Variants in CEP112 observed in about 807,000 individuals in gnomAD.
CEP112 encodes the protein centrosomal protein 112.
In CEP112, 127 loss-of-function variants were observed where a neutral mutation model predicts 153.0. That is an observed-to-expected ratio of 0.83 (90% CI 0.72 to 0.96). The LOEUF is 0.96. Among genes scored for constraint, CEP112 ranks in the 40% least tolerant of loss-of-function variants. The pLI, the probability that CEP112 is intolerant of heterozygous loss-of-function variation, is 0.00. For missense variants in CEP112, 1,089 were observed against 1,101.2 expected (o/e 0.99, Z 0.16); for synonymous variants, 358 against 374.4 (o/e 0.96, Z 0.51).
chr17:65,833,539 A>G (rs976391373), intron 21 of CEP112, among the ~76,000 whole-genome samples: 4 of 152,332 alleles, frequency 2.6e-5, no homozygotes, highest in Non-Finnish European at 4.4e-5. Flanking sequence ...TAAAATCACT[A>G]GTATTCCTGT....
chr17:66,104,815 T>C (rs2068714412), intron 6 of CEP112, among the ~76,000 whole-genome samples: 1 of 152,120 alleles, frequency 6.6e-6, no homozygotes, highest in Non-Finnish European at 1.5e-5. Context: ...CCTGGAATAG[T>C]ATACCCAGCA....
At chr17:65,832,089 C>G (rs1426741365) in intron 21 of CEP112, among the ~76,000 whole-genome samples, 2 of 152,126 alleles carry the variant, frequency 1.3e-5, no homozygotes, top group Non-Finnish European at 2.9e-5. Context: ...TCCTGAATGA[C>G]TTTTGGGTAA....
At chr17:65,745,835 A>T (rs144586426) in intron 22 of CEP112, among the ~76,000 whole-genome samples, 1,543 of 152,340 alleles carry the variant, frequency 0.01, 24 homozygotes, top group African/African-American at 0.035. Flanking sequence ...AAGAATAAAG[A>T]TAAAAATATC....
chr17:65,961,019 A>C (rs1568296423), intron 18 of CEP112, among the ~76,000 whole-genome samples: 1 of 151,986 alleles, frequency 6.6e-6, no homozygotes, highest in African/African-American at 2.4e-5. Flanking sequence ...TAAAAAAAAA[A>C]AAACTACCCA....
chr17:66,080,476 C>G (rs938650039), intron 8 of CEP112, among the ~76,000 whole-genome samples: 1 of 152,142 alleles, frequency 6.6e-6, no homozygotes, highest in Non-Finnish European at 1.5e-5. Context: ...CCACCTCACA[C>G]CAGTTAGAAT....
intron 11 of CEP112, among the ~76,000 whole-genome samples, chr17:66,060,270 T>C (rs1470749444): frequency 6.6e-6 from 1 of 152,032 alleles, no homozygotes; most frequent in African/African-American, 2.4e-5. Flanking sequence ...ACATCTACCC[T>C]CTGAATCTAA....
intron 4 of CEP112, among the ~76,000 whole-genome samples, chr17:66,142,005 C>G (rs1037700288): frequency 6.6e-6 from 1 of 152,160 alleles, no homozygotes; most frequent in Admixed American, 6.5e-5. Flanking sequence ...CAACAGTGGA[C>G]AAAGATTCCC....
chr17:65,813,662 T>C (rs2056109181), intron 21 of CEP112, among the ~76,000 whole-genome samples: 1 of 152,164 alleles, frequency 6.6e-6, no homozygotes, highest in African/African-American at 2.4e-5. Context: ...AAGCATTCAG[T>C]GAGTTGGGAG....
At chr17:65,971,921 T>A (rs189907226) in intron 17 of CEP112, among the ~76,000 whole-genome samples, 1 of 152,008 alleles carries the variant, frequency 6.6e-6, no homozygotes. Flanking sequence ...AATGCAGGGG[T>A]GAATAAACAC....
intron 21 of CEP112, among the ~76,000 whole-genome samples, chr17:65,780,558 T>C (rs1441175940): frequency 3.3e-5 from 5 of 152,224 alleles, no homozygotes; most frequent in East Asian, 1.9e-4. Flanking sequence ...CTCTACCTTC[T>C]GTAATATTTT....
At chr17:66,178,238 C>T (rs9903950) in intron 2 of CEP112, among the ~76,000 whole-genome samples, 37,679 of 152,066 alleles carry the variant, frequency 0.25, 4,839 homozygotes, top group Non-Finnish European at 0.28. Flanking sequence ...TATTGCCTGT[C>T]TTTGGATAAA....
At chr17:65,784,238 T>C (rs1040165886) in intron 21 of CEP112, among the ~76,000 whole-genome samples, 1 of 152,222 alleles carries the variant, frequency 6.6e-6, no homozygotes, top group African/African-American at 2.4e-5. Flanking sequence ...CATGGCTGCA[T>C]TTTTGCATGG....
At chr17:65,663,268 T>C (rs897649918) in intron 24 of CEP112, among the ~76,000 whole-genome samples, 1 of 152,242 alleles carries the variant, frequency 6.6e-6, no homozygotes, top group African/African-American at 2.4e-5. Context: ...TCTTCTGTGA[T>C]CTTTGTCATA....
chr17:65,959,621 T>C (rs1779883045), intron 18 of CEP112, among the ~76,000 whole-genome samples: 1 of 152,210 alleles, frequency 6.6e-6, no homozygotes, highest in Non-Finnish European at 1.5e-5. Flanking sequence ...TGGCTCCTCC[T>C]TGGGTTCCTG....
intron 16 of CEP112, among the ~76,000 whole-genome samples, chr17:66,006,373 C>T (rs998532997): frequency 6.6e-6 from 1 of 152,026 alleles, no homozygotes; most frequent in African/African-American, 2.4e-5. Flanking sequence ...TTTGGGAGGC[C>T]GAGGCAGGCG....
intron 16 of CEP112, among the ~76,000 whole-genome samples, chr17:66,008,031 C>T (rs900715679): frequency 4.5e-4 from 69 of 152,048 alleles, no homozygotes; most frequent in Non-Finnish European, 7.8e-4. Flanking sequence ...CAGATTGACA[C>T]ATAGAGACAG....
chr17:65,977,001 G>C (rs2063061977), intron 17 of CEP112, among the ~76,000 whole-genome samples: 1 of 152,058 alleles, frequency 6.6e-6, no homozygotes, highest in South Asian at 2.1e-4. Flanking sequence ...GGCTCCCAAA[G>C]TGCTGGAATT....
intron 4 of CEP112, among the ~76,000 whole-genome samples, chr17:66,153,025 A>T (rs1266442750): frequency 6.6e-6 from 1 of 152,232 alleles, no homozygotes; most frequent in Non-Finnish European, 1.5e-5. Context: ...AAAGCCACTG[A>T]CAATACCAAG....
chr17:66,051,219 T>G (rs1598232299), intron 12 of CEP112, among the ~76,000 whole-genome samples: 1 of 149,228 alleles, frequency 6.7e-6, no homozygotes, highest in Non-Finnish European at 1.5e-5. Context: ...GCTCAATCAA[T>G]CTAACTACCT....
Sources: allele counts gnomAD v4.1 joint callset (sites outside exome capture counted in the v4.1 genomes callset), GRCh38; gene constraint gnomAD v4.1.1; transcripts MANE v1.5; gene names NCBI Gene and HGNC (gene_info 2026-07-23, HGNC 2026-07-21).